ATP2B1: variants seen among roughly 807,000 people sequenced by gnomAD.
The protein encoded by ATP2B1 is plasma membrane calcium-transporting ATPase 1.
A neutral mutation model predicts 124.2 loss-of-function variants in ATP2B1; 14 were observed. The ratio of observed to expected loss-of-function variants is 0.11; its 90% CI spans 0.07 to 0.18. ATP2B1 has a LOEUF of 0.18. Ranked by LOEUF, ATP2B1 falls within the 10% of genes least tolerant of loss-of-function variation. ATP2B1 has a pLI of 1.00. For missense variants in ATP2B1, 763 were observed against 1,466.1 expected (o/e 0.52, Z 7.83); for synonymous variants, 449 against 492.4 (o/e 0.91, Z 1.17).
In ATP2B1 at chr12:89,610,349, C is replaced by A. The variant is rs1221190371; in HGVS notation, c.2335+72G>T. ...CATGACTCAATCTAATATTCAGTAT[C>A]TATTACTATTCTGGGAAGCAGAACA... On this transcript the variant is annotated intron_variant, in intron 14 of 20. Coordinates refer to ENST00000428670, the MANE Select transcript of ATP2B1 (RefSeq NM_001366521.1). 4.9e-6 allele frequency: 6 copies of A among 1,236,620 alleles called. No individual in the cohort carries two copies. In the Admixed American group the frequency reaches 1.1e-4, roughly 22 times the overall value. 76.6% of individuals were successfully genotyped at this position (1,236,620 alleles called of 1,614,324 possible).
intron 7 of ATP2B1, among the ~76,000 whole-genome samples, chr12:89,627,247 C>T (rs1881032402): frequency 6.6e-6 from 1 of 152,088 alleles, no homozygotes; most frequent in Middle Eastern, 3.2e-3. Flanking sequence ...AAAACTGTTT[C>T]ATGCACAAAA....
At chr12:89,680,679 A>T (rs2136631161) in intron 1 of ATP2B1, among the ~76,000 whole-genome samples, 1 of 152,270 alleles carries the variant, frequency 6.6e-6, no homozygotes, top group African/African-American at 2.4e-5. Flanking sequence ...TAAAAACTAT[A>T]ATTCAAGAAA....
chr12:89,702,156 G>A (rs954995393), intron 1 of ATP2B1, among the ~76,000 whole-genome samples: 8 of 152,198 alleles, frequency 5.3e-5, no homozygotes, highest in Non-Finnish European at 1.5e-5. Context: ...GCACCTTGAA[G>A]TACCAGAGAA....
intron 1 of ATP2B1, among the ~76,000 whole-genome samples, chr12:89,698,813 GAC>G (rs903043756): frequency 1.3e-5 from 2 of 152,148 alleles, no homozygotes; most frequent in African/African-American, 4.8e-5. Flanking sequence ...GGTTAGATAA[GAC>G]ACTTCTATTC....
At chr12:89,606,095 CAGTCACAGTA>C (rs11278256) in intron 15 of ATP2B1, among the ~76,000 whole-genome samples, 144,631 of 151,906 alleles carry the variant, frequency 0.95, 68,924 homozygotes, top group East Asian at 0.99. Flanking sequence ...ACAGCATTTA[CAGTCACAGTA>C]AGTCACAGTA....
At chr12:89,690,104 C>T (rs903443710) in intron 1 of ATP2B1, among the ~76,000 whole-genome samples, 3 of 152,018 alleles carry the variant, frequency 2.0e-5, no homozygotes, top group African/African-American at 4.8e-5. Flanking sequence ...AAACTCTGTC[C>T]TATATGCTGC....
chr12:89,677,185 A>T (rs1279212936), intron 1 of ATP2B1, among the ~76,000 whole-genome samples: 5 of 152,184 alleles, frequency 3.3e-5, no homozygotes, highest in Admixed American at 6.6e-5. Flanking sequence ...ATGATACTGA[A>T]TACAGACCCT....
intron 20 of ATP2B1, 121 bp from the exon 21 acceptor site, chr12:89,591,416 C>CAAATATG: frequency 1.2e-6 from 1 of 835,858 alleles, no homozygotes; most frequent in Non-Finnish European, 1.8e-6. Context: ...GCATGTAATG[C>CAAATATG]AGTGGAACTT....
chr12:89,696,737 T>C (rs991458701), intron 1 of ATP2B1, among the ~76,000 whole-genome samples: 2 of 152,220 alleles, frequency 1.3e-5, no homozygotes, highest in Non-Finnish European at 2.9e-5. Flanking sequence ...AGGGTATTCA[T>C]AGCCCTTTAA....
At position 89,695,058 on chromosome 12, in the gene ATP2B1, C is replaced by CAAA. The variant is rs544087541; in HGVS notation, c.-222+13535_-222+13537dup. 3.6e-5 allele frequency among the ~76,000 whole-genome samples: 4 copies of CAAA among 111,214 alleles called. 1 individual carries two copies. Among genetic ancestry groups the CAAA allele is most frequent in the Non-Finnish European group, 3.7e-5 (2 of 53,966 alleles). The allele number at this position is 111,214 out of a possible 152,430, so 73.0% of individuals were successfully genotyped here. ...GGGCGACAAGAGCAAGATGCTGTTT[C>CAAA]AAAAAAAAAAAAAGAAAAGAATTAT... On this transcript the variant is annotated intron_variant, in intron 1 of 20. Transcript: ENST00000428670.
chr12:89,662,446 A>C (rs1886826841), intron 1 of ATP2B1, among the ~76,000 whole-genome samples: 1 of 152,196 alleles, frequency 6.6e-6, no homozygotes, highest in Admixed American at 6.5e-5. Context: ...TGGTACATTC[A>C]AATTATTTCA....
At chr12:89,653,140 A>G (rs371018172) in intron 2 of ATP2B1, among the ~76,000 whole-genome samples, 1 of 152,230 alleles carries the variant, frequency 6.6e-6, no homozygotes, top group Non-Finnish European at 1.5e-5. Flanking sequence ...AACAGTGAGG[A>G]CAAGTTTATA....
At position 89,610,488 on chromosome 12, in the gene ATP2B1, G is replaced by A. The variant is rs1355295177; in HGVS notation, c.2268C>T (p.Asp756=). The part of the protein sequence containing the change: ...EKGEIEQERI[D]KIWPKLRVLA... ...GTACTCGAAGTTTTGGCCAAATCTT[G>A]TCTATCCTCTCTTGCTCAATCTATA... Residue 756 remains aspartate (D), a synonymous_variant, in exon 14 of 21, where the codon GAC becomes GAT. Transcript: ENST00000428670. The A allele has an allele frequency of 1.9e-6, 3 of 1,613,614 alleles. No homozygotes were observed. The highest frequency in any genetic ancestry group is 2.5e-6 in the Non-Finnish European group (3 of 1,179,634).
chr12:89,618,016 TG>T (rs1398464600), intron 11 of ATP2B1, among the ~76,000 whole-genome samples: 1 of 152,202 alleles, frequency 6.6e-6, no homozygotes, highest in African/African-American at 2.4e-5. Context: ...TACTTTCTTC[TG>T]GTTCTTACTT....
chr12:89,625,566 C>A (rs1403811841), intron 8 of ATP2B1, among the ~76,000 whole-genome samples: 20 of 114,674 alleles, frequency 1.7e-4, no homozygotes, highest in Admixed American at 1.7e-3. Flanking sequence ...GCCTGGCTGA[C>A]AGAGTGAGAC....
At chr12:89,637,674 C>G (rs1882912600) in intron 3 of ATP2B1, among the ~76,000 whole-genome samples, 2 of 152,170 alleles carry the variant, frequency 1.3e-5, no homozygotes, top group Admixed American at 6.5e-5. Flanking sequence ...GCTGGGATTA[C>G]AGGCATGAGC....
At chr12:89,646,924 G>T (rs1030444393) in intron 2 of ATP2B1, among the ~76,000 whole-genome samples, 2 of 152,150 alleles carry the variant, frequency 1.3e-5, no homozygotes, top group African/African-American at 4.8e-5. Context: ...TACAGGAGAT[G>T]AAGGGTAATA....
intron 5 of ATP2B1, 111 bp from the exon 6 acceptor site, chr12:89,630,756 A>T (rs894828457): frequency 1.5e-5 from 3 of 206,680 alleles, no homozygotes; most frequent in African/African-American, 3.6e-5. Context: ...TTTAGGAAAA[A>T]ATATATATAA....
At chr12:89,677,916 C>G (rs528868474) in intron 1 of ATP2B1, among the ~76,000 whole-genome samples, 1 of 143,628 alleles carries the variant, frequency 7.0e-6, no homozygotes, top group Admixed American at 7.1e-5. Context: ...ATACTAAATC[C>G]TGCCTTTGGA....
Sources: allele counts gnomAD v4.1 joint callset (sites outside exome capture counted in the v4.1 genomes callset), GRCh38; gene constraint gnomAD v4.1.1; transcripts MANE v1.5; gene names NCBI Gene and HGNC (gene_info 2026-07-23, HGNC 2026-07-21).